Variants in DGKB observed in about 807,000 individuals in gnomAD.
The protein encoded by DGKB is 90 kDa diacylglycerol kinase.
In DGKB, 67 loss-of-function variants were observed where a neutral mutation model predicts 114.3. The observed-to-expected ratio is 0.59, with a 90% CI of 0.48 to 0.72. The LOEUF is 0.72. Ranked by LOEUF, DGKB falls within the 30% of genes least tolerant of loss-of-function variation. The probability of loss-of-function intolerance (pLI) is 0.00; values close to 1 mark genes in which losing one functional copy is unlikely to be tolerated. For synonymous variants in DGKB, 398 were observed against 323.1 expected (o/e 1.23, Z -2.49); for missense variants, 907 against 975.2 (o/e 0.93, Z 0.93).
chr7:14,410,374 T>C (rs1824666506), intron 21 of DGKB, among the ~76,000 whole-genome samples: 1 of 152,050 alleles, frequency 6.6e-6, no homozygotes, highest in Non-Finnish European at 1.5e-5. Context: ...ATTCATCTCA[T>C]GTGTATATTC....
intron 1 of DGKB, among the ~76,000 whole-genome samples, chr7:14,934,627 C>A (rs1036563903): frequency 6.6e-6 from 1 of 152,038 alleles, no homozygotes; most frequent in Non-Finnish European, 1.5e-5. Context: ...TACATTCTAC[C>A]AATCTTTGTT....
At chr7:14,819,209 AC>A (rs1844572518) in intron 2 of DGKB, among the ~76,000 whole-genome samples, 1 of 152,156 alleles carries the variant, frequency 6.6e-6, no homozygotes, top group African/African-American at 2.4e-5. Flanking sequence ...GATAATTGGG[AC>A]ATAGGGTCCC....
chr7:14,251,410 T>A (rs1795218646), intron 23 of DGKB, among the ~76,000 whole-genome samples: 2 of 152,154 alleles, frequency 1.3e-5, no homozygotes, highest in Admixed American at 6.5e-5. Flanking sequence ...CTCCCACATT[T>A]TATGTTATTG....
intron 21 of DGKB, among the ~76,000 whole-genome samples, chr7:14,387,411 CAAAAAAA>C (rs34477734): frequency 9.8e-6 from 1 of 102,420 alleles, no homozygotes; most frequent in Non-Finnish European, 1.9e-5. Context: ...GACTCCATCT[CAAAAAAA>C]AAAAAAAAAA....
At chr7:14,684,781 C>T (rs559611939) in intron 10 of DGKB, among the ~76,000 whole-genome samples, 39 of 151,990 alleles carry the variant, frequency 2.6e-4, no homozygotes, top group Non-Finnish European at 3.5e-4. Flanking sequence ...GTATATCTTG[C>T]GATTTCCTAA....
At chr7:14,252,197 C>G (rs145420138) in intron 23 of DGKB, among the ~76,000 whole-genome samples, 13 of 152,200 alleles carry the variant, frequency 8.5e-5, no homozygotes, top group African/African-American at 3.1e-4. Context: ...TCTTCTTACC[C>G]AGATCAAGTC....
At chr7:14,232,675 T>A (rs1792096360) in intron 23 of DGKB, among the ~76,000 whole-genome samples, 1 of 152,004 alleles carries the variant, frequency 6.6e-6, no homozygotes, top group Admixed American at 6.6e-5. Flanking sequence ...AACTAACTTT[T>A]TAAAGGGCAC....
rs991636210 is a variant in DGKB, at chr7:14,192,006, T to C, written c.2123-13855A>G. The C allele has an allele frequency of 1.7e-5, 9 of 531,110 alleles. No homozygotes were observed. In the African/African-American group the frequency reaches 1.7e-4, roughly 10 times the overall value. 32.9% of individuals were successfully genotyped at this position (531,110 alleles called of 1,614,324 possible). On this transcript the variant is annotated intron_variant, in intron 23 of 25. Transcript: ENST00000402815. The stretch of plus-strand genomic sequence containing the variant: ...CCTGGCAAGCTCCTGTGTTGAGAGC[T>C]TTTCTGACTATCCTCTGAGTCATTT...
chr7:14,211,511 T>TA (rs373528322), intron 23 of DGKB, among the ~76,000 whole-genome samples: 199 of 18,404 alleles, frequency 0.011, 3 homozygotes, highest in Middle Eastern at 0.056. Flanking sequence ...TGTTTTGTGA[T>TA]TTTACTCTCA....
At chr7:14,394,409 A>G (rs1821914113) in intron 21 of DGKB, among the ~76,000 whole-genome samples, 1 of 152,204 alleles carries the variant, frequency 6.6e-6, no homozygotes, top group African/African-American at 2.4e-5. Flanking sequence ...GACAAAGAAT[A>G]TATCATTAAT....
intron 1 of DGKB, among the ~76,000 whole-genome samples, chr7:14,929,508 A>T (rs1307987844): frequency 6.6e-6 from 1 of 152,028 alleles, no homozygotes; most frequent in Non-Finnish European, 1.5e-5. Flanking sequence ...CCTGTTGGCC[A>T]TTTGTATGCC....
At chr7:14,156,393 T>G (rs1403908693) in intron 25 of DGKB, among the ~76,000 whole-genome samples, 1 of 152,176 alleles carries the variant, frequency 6.6e-6, no homozygotes, top group Non-Finnish European at 1.5e-5. Context: ...ATTTCGGCTT[T>G]GTGGTCTCTG....
chr7:14,499,859 G>A (rs1409892421), intron 20 of DGKB, among the ~76,000 whole-genome samples: 2 of 99,716 alleles, frequency 2.0e-5, no homozygotes, highest in Admixed American at 1.8e-4. Context: ...TTCCAAATGT[G>A]GAAACAAAAA....
In DGKB at chr7:14,653,133, GA is replaced by G. The variant is rs532609745; in HGVS notation, c.1134+19795del. On this transcript the variant is annotated intron_variant, in intron 13 of 25. Coordinates refer to ENST00000402815, the MANE Select transcript of DGKB (RefSeq NM_001350709.2). ...GGATCTAGAACTGGAAATACCATTT[GA>G]CCCAGCCATCCCATTACTGGGTATA... 3.6e-4 allele frequency among the ~76,000 whole-genome samples: 54 copies of G among 150,088 alleles called. 1 individual carries two copies. The East Asian group carries it at 0.01, about 29-fold the overall frequency.
chr7:14,302,121 A>G (rs370429750), intron 23 of DGKB, among the ~76,000 whole-genome samples: 1 of 152,264 alleles, frequency 6.6e-6, no homozygotes, highest in African/African-American at 2.4e-5. Context: ...ACCTAGACAC[A>G]AAAGAATAGA....
At chr7:14,878,215 A>T (rs1009309424) in intron 1 of DGKB, among the ~76,000 whole-genome samples, 2 of 152,240 alleles carry the variant, frequency 1.3e-5, no homozygotes, top group African/African-American at 2.4e-5. Flanking sequence ...TTCACAAGTT[A>T]ACAATAGTTT....
intron 21 of DGKB, among the ~76,000 whole-genome samples, chr7:14,438,994 T>C (rs1007907548): frequency 2.0e-5 from 3 of 152,020 alleles, no homozygotes; most frequent in African/African-American, 7.2e-5. Flanking sequence ...GCCTCCTTTT[T>C]TTTTTCTTTT....
intron 23 of DGKB, among the ~76,000 whole-genome samples, chr7:14,266,714 CT>C (rs1299758530): frequency 2.0e-5 from 3 of 152,156 alleles, no homozygotes; most frequent in African/African-American, 7.2e-5. Context: ...CAATTTATGT[CT>C]CTTTAACCCT....
intron 23 of DGKB, among the ~76,000 whole-genome samples, chr7:14,285,492 C>T (rs536751062): frequency 6.6e-6 from 1 of 152,198 alleles, no homozygotes; most frequent in African/African-American, 2.4e-5. Context: ...GACAAAAAAG[C>T]CTAAAATTAA....
Sources: allele counts gnomAD v4.1 joint callset (sites outside exome capture counted in the v4.1 genomes callset), GRCh38; gene constraint gnomAD v4.1.1; transcripts MANE v1.5; gene names NCBI Gene and HGNC (gene_info 2026-07-23, HGNC 2026-07-21).